The following CEP290 variants were observed in gnomAD, a reference collection of about 807,000 sequenced individuals.
The protein encoded by CEP290 is centrosomal protein of 290 kDa.
CEP290 carries 317 observed loss-of-function variants against 344.9 expected under a neutral mutation model. That is an observed-to-expected ratio of 0.92 (90% CI 0.84 to 1.01). CEP290 has a LOEUF of 1.01. Ranked by LOEUF, CEP290 falls within the 50% of genes least tolerant of loss-of-function variation. The probability of loss-of-function intolerance (pLI) is 0.00; values close to 1 mark genes in which losing one functional copy is unlikely to be tolerated. For missense variants in CEP290, 2,754 were observed against 2,761.4 expected, an observed-to-expected ratio of 1.00 and a Z score of 0.06; for synonymous variants, 932 against 895.8, an observed-to-expected ratio of 1.04 and a Z score of -0.72.
At chr12:88,139,825 C>G (rs776931658) in intron 3 of CEP290, among the ~76,000 whole-genome samples, 2 of 152,166 alleles carry the variant, frequency 1.3e-5, no homozygotes, top group Non-Finnish European at 2.9e-5. Context: ...GCCTCCTGGG[C>G]TCAAGCAATC....
chr12:88,111,267 C>T lies in CEP290; in HGVS notation c.2302G>A (p.Gly768Arg). The T allele has an allele frequency of 6.5e-7, 1 of 1,546,652 alleles. No individual in the cohort carries two copies. Residue 768 changes from glycine to arginine, a missense_variant, in exon 22 of 54, where the codon GGG becomes AGG. Transcript: ENST00000552810. ...ATACTGGCACTAGATGGTGCTATCCCATCAGGTAAGTCAATTCCTTTAAAA... is the reference window on the plus strand; with the variant it reads ...ATACTGGCACTAGATGGTGCTATCCTATCAGGTAAGTCAATTCCTTTAAAA... ...VVFKGIDLPD[G>R]IAPSSASIIN...
intron 29 of CEP290, among the ~76,000 whole-genome samples, chr12:88,091,113 T>C (rs745540896): frequency 2.0e-5 from 3 of 152,200 alleles, no homozygotes; most frequent in Non-Finnish European, 4.4e-5. Context: ...CCAGAGGTTC[T>C]ATCATATATA....
rs772635605 is a variant in CEP290 at position 88,120,998 on chromosome 12, G to A, written c.1358C>T (p.Ser453Leu). The A allele has an allele frequency of 2.1e-5, 33 of 1,607,778 alleles. No homozygotes were observed. In the South Asian group the frequency reaches 2.1e-4, roughly 10 times the overall value. Residue 453 changes from serine to leucine, a missense_variant and splice_region_variant, in exon 14 of 54, where the codon TCG becomes TTG. Ser to Leu is a moderately radical substitution (Grantham distance 145). Coordinates refer to ENST00000552810, the MANE Select transcript of CEP290 (RefSeq NM_025114.4). ...GAATGACAAGATAAAAATACATACC[G>A]ATTCATAATCTTTTAACCTCTTCAG... ...EALKRLKDYE[S>L]GVYGLEDAVV...
intron 20 of CEP290, among the ~76,000 whole-genome samples, chr12:88,113,056 C>T (rs925095477): frequency 3.8e-4 from 58 of 152,092 alleles, no homozygotes; most frequent in African/African-American, 1.3e-3. Context: ...AGAAGTATTG[C>T]TAGGTGATTT....
chr12:88,053,534 C>G (rs2033736110), intron 52 of CEP290, 118 bp downstream of exon 52: 2 of 615,664 alleles, frequency 3.2e-6, no homozygotes, highest in Non-Finnish European at 5.8e-6. Flanking sequence ...CAAAGCTTAT[C>G]AGGAATTCGA....
At chr12:88,117,647 T>A (rs967684050) in intron 17 of CEP290, among the ~76,000 whole-genome samples, 1 of 152,210 alleles carries the variant, frequency 6.6e-6, no homozygotes, top group East Asian at 1.9e-4. Context: ...ATGGCTATTA[T>A]AAAACTTAAC....
intron 41 of CEP290, among the ~76,000 whole-genome samples, chr12:88,075,449 T>G (rs909409949): frequency 6.6e-6 from 1 of 152,004 alleles, no homozygotes; most frequent in Admixed American, 6.6e-5. Flanking sequence ...ATACTGAGCA[T>G]CTACTATGTG....
chr12:88,121,552 A>G (rs2039400215), intron 13 of CEP290, among the ~76,000 whole-genome samples: 1 of 151,930 alleles, frequency 6.6e-6, no homozygotes, highest in Non-Finnish European at 1.5e-5. Flanking sequence ...ACTTACACAC[A>G]AGCAGCTATG....
intron 52 of CEP290, among the ~76,000 whole-genome samples, chr12:88,052,993 T>C (rs1161801106): frequency 6.6e-6 from 1 of 152,118 alleles, no homozygotes; most frequent in Non-Finnish European, 1.5e-5. Context: ...TATTCAAACT[T>C]TCCAAGGCTC....
chr12:88,089,703 A>G (rs943010829), intron 30 of CEP290, among the ~76,000 whole-genome samples: 13 of 151,966 alleles, frequency 8.6e-5, no homozygotes, highest in African/African-American at 2.7e-4. Flanking sequence ...ATGTAACTGA[A>G]TAACAGTGGG....
Position 88,081,732 on chromosome 12 carries a change from A to T in CEP290, c.5012+1299T>A, listed in dbSNP as rs372403959. On this transcript the variant is annotated intron_variant, in intron 37 of 53. Coordinates refer to ENST00000552810, the MANE Select transcript of CEP290 (RefSeq NM_025114.4). ...GGACTAAAATGACGTAAGGTACACA[A>T]CAATAACTTCAAGTATTTCCTGTGG... Among the ~76,000 whole-genome samples the T allele has an allele frequency of 1.1e-4, 16 of 152,338 alleles. No individual in the cohort carries two copies. In the South Asian group the frequency reaches 1.5e-3, roughly 14 times the overall value.
intron 34 of CEP290, 60 bp from the exon 35 acceptor site, chr12:88,084,912 T>C (rs1429713797): frequency 9.0e-6 from 12 of 1,327,526 alleles, no homozygotes; most frequent in Non-Finnish European, 1.2e-5. Flanking sequence ...AAATGCTTCA[T>C]CTGAATTTTA....
intron 21 of CEP290, 53 bp from the exon 22 acceptor site, chr12:88,111,404 A>T: frequency 6.7e-7 from 1 of 1,481,536 alleles, no homozygotes. Flanking sequence ...CCAAAGAAAG[A>T]CAAATTGACA....
Position 88,079,202 on chromosome 12 carries a change from G to T in CEP290, c.5254C>A (p.Arg1752=), listed in dbSNP as rs748471942. ...TCAGCAGCTGCTGTCATTTCTGCCC[G>T]GAGTTCTAAAAGTGCCCGACTAAGT... ...KALSRALLEL[R]AEMTAAAEER... The change falls in exon 39 of 54, where the codon CGG becomes AGG. Residue 1752 remains arginine (R), a synonymous_variant. Transcript: ENST00000552810. The T allele has an allele frequency of 3.8e-6, 6 of 1,594,232 alleles. No individual in the cohort carries two copies. The highest frequency in any genetic ancestry group is 5.1e-6 in the Non-Finnish European group (6 of 1,173,006).
chr12:88,123,055 A>ACT (rs2039510387), intron 13 of CEP290, among the ~76,000 whole-genome samples: 1 of 151,786 alleles, frequency 6.6e-6, no homozygotes, highest in Admixed American at 6.6e-5. Flanking sequence ...ATATCTATAC[A>ACT]CTCTACCTTC....
intron 52 of CEP290, among the ~76,000 whole-genome samples, chr12:88,051,228 C>G (rs2033492796): frequency 7.6e-6 from 1 of 132,308 alleles, no homozygotes; most frequent in Non-Finnish European, 1.6e-5. Flanking sequence ...GACAGTCTCA[C>G]TCTGTCGCCC....
intron 23 of CEP290, among the ~76,000 whole-genome samples, chr12:88,107,617 A>G (rs2038380459): frequency 6.6e-6 from 1 of 151,976 alleles, no homozygotes; most frequent in South Asian, 2.1e-4. Flanking sequence ...AGTGCAAAAA[A>G]AAAAAAAAAT....
At position 88,111,731 on chromosome 12, in the gene CEP290, A is replaced by G. The variant is rs2137721924; in HGVS notation, c.2180T>C (p.Ile727Thr). Residue 727 changes from isoleucine (I) to threonine (T), a missense_variant, in exon 21 of 54, where the codon ATA (isoleucine) becomes ACA (threonine). Ile to Thr is a moderately conservative substitution (Grantham distance 89). Transcript: ENST00000552810. The stretch of plus-strand genomic sequence containing the variant: ...TTTTGCCAACTGCTGTGAATAATTT[A>G]TAGCCTCTTTCCGAGATTCCCTGAG... ...QELRESRKEAINYSQQLAKAN... is the reference protein window; with the variant it reads ...QELRESRKEATNYSQQLAKAN... The G allele has an allele frequency of 6.9e-6, 11 of 1,601,912 alleles. No homozygotes were observed. The highest frequency in any genetic ancestry group is 9.4e-6 in the Non-Finnish European group (11 of 1,175,646).
intron 22 of CEP290, among the ~76,000 whole-genome samples, chr12:88,110,692 G>C (rs2038624955): frequency 6.6e-6 from 1 of 152,250 alleles, no homozygotes; most frequent in Non-Finnish European, 1.5e-5. Flanking sequence ...CTGAGTGACA[G>C]AGTGAGGCTC....
Sources: allele counts gnomAD v4.1 joint callset (sites outside exome capture counted in the v4.1 genomes callset), GRCh38; gene constraint gnomAD v4.1.1; transcripts MANE v1.5; gene names NCBI Gene and HGNC (gene_info 2026-07-23, HGNC 2026-07-21).